Variants in RERG observed in about 807,000 individuals in gnomAD.
The protein encoded by RERG is RAS like estrogen regulated growth inhibitor.
A neutral mutation model predicts 23.2 loss-of-function variants in RERG; 25 were observed. That is an observed-to-expected ratio of 1.08 (90% confidence interval 0.79 to 1.50). RERG has a LOEUF of 1.50. Among genes scored for constraint, RERG ranks in the 40% most tolerant of loss-of-function variants. The pLI, the probability that RERG is intolerant of heterozygous loss-of-function variation, is 0.00. For synonymous variants in RERG, 81 were observed against 89.1 expected (o/e 0.91, Z 0.51); for missense variants, 253 against 250.1 (o/e 1.01, Z -0.08).
chr12:15,122,185 C>G (rs80152564), intron 2 of RERG, among the ~76,000 whole-genome samples: 1 of 152,120 alleles, frequency 6.6e-6, no homozygotes, highest in African/African-American at 2.4e-5. Context: ...CCAGGGATCC[C>G]ACTGACCTTA....
chr12:15,139,014 CTTTTTTTTTTTTT>C (rs34755371), intron 2 of RERG, among the ~76,000 whole-genome samples: 3 of 51,126 alleles, frequency 5.9e-5, no homozygotes, highest in South Asian at 1.4e-3. Flanking sequence ...TGTGTCTAGA[CTTTTTTTTTTTTT>C]TTTTTTTTTG....
intron 2 of RERG, among the ~76,000 whole-genome samples, chr12:15,161,154 G>GA (rs1373352209): frequency 1.1e-5 from 1 of 92,042 alleles, no homozygotes; most frequent in African/African-American, 4.4e-5. Context: ...AAGAAAGAAA[G>GA]AAAGAAAGAA....
chr12:15,132,090 A>C (rs1401570139), intron 2 of RERG, among the ~76,000 whole-genome samples: 1 of 152,172 alleles, frequency 6.6e-6, no homozygotes, highest in African/African-American at 2.4e-5. Context: ...TATAAACCAA[A>C]ATATGACATG....
chr12:15,109,442 CT>C lies in RERG; in HGVS notation c.267del (p.Gly90GlufsTer13), dbSNP rs1565503318. The C allele has an allele frequency of 1.9e-6, 3 of 1,613,962 alleles. No individual in the cohort carries two copies. Among genetic ancestry groups the C allele is most frequent in the Non-Finnish European group, 2.5e-6 (3 of 1,179,964 alleles). On this transcript the variant is annotated frameshift_variant, in exon 5 of 5. Transcript: ENST00000256953. LOFTEE classifies it high-confidence loss of function. ...AGTGGCAGCACTTCCTCAAAACTTC[CT>C]CGGTCAGTAATGTCGTAGACCAGCA... ...GFVLVYDITD[R>X]GSFEEVLPLK...
At chr12:15,159,468 T>C (rs554000457) in intron 2 of RERG, among the ~76,000 whole-genome samples, 2 of 152,364 alleles carry the variant, frequency 1.3e-5, no homozygotes, top group South Asian at 4.1e-4. Flanking sequence ...CTCAGGATTT[T>C]TAGTTTTCAA....
chr12:15,123,618 A>C (rs1268282226), intron 2 of RERG, among the ~76,000 whole-genome samples: 3 of 134,958 alleles, frequency 2.2e-5, no homozygotes, highest in Non-Finnish European at 3.1e-5. Context: ...AAATTTATAT[A>C]ATAAATATTA....
At position 15,109,444 on chromosome 12, in the gene RERG, C is replaced by G; in HGVS notation, c.266G>C (p.Arg89Pro). 2 of 1,613,950 alleles carry G rather than the reference C, an allele frequency of 1.2e-6. No individual in the cohort carries two copies. The highest frequency in any genetic ancestry group is 1.7e-6 in the Non-Finnish European group (2 of 1,179,950). The change falls in exon 5 of 5, where the codon CGA becomes CCA. Residue 89 changes from arginine (R) to proline (P), a missense_variant. Arg to Pro is a moderately radical substitution (Grantham distance 103). Coordinates refer to ENST00000256953, the MANE Select transcript of RERG (RefSeq NM_032918.3). ...TGGCAGCACTTCCTCAAAACTTCCT[C>G]GGTCAGTAATGTCGTAGACCAGCAC... is the stretch of plus-strand genomic sequence containing the variant. ...GFVLVYDITD[R>P]GSFEEVLPLK... is the part of the protein sequence containing the mutation.
At chr12:15,162,448 G>T (rs140099895) in intron 2 of RERG, among the ~76,000 whole-genome samples, 366 of 152,262 alleles carry the variant, frequency 2.4e-3, no homozygotes, top group African/African-American at 8.4e-3. Flanking sequence ...AACCCCATTA[G>T]AGTTTTCTCT....
chr12:15,213,713 A>T (rs1222624369), intron 2 of RERG, among the ~76,000 whole-genome samples: 1 of 152,212 alleles, frequency 6.6e-6, no homozygotes, highest in Non-Finnish European at 1.5e-5. Context: ...GCCTTTGCTG[A>T]CATGTCTGTG....
At chr12:15,208,917 T>A (rs1486809475) in intron 2 of RERG, among the ~76,000 whole-genome samples, 1 of 151,740 alleles carries the variant, frequency 6.6e-6, no homozygotes, top group Non-Finnish European at 1.5e-5. Context: ...CCTCCTCTCC[T>A]TTTTGACTGC....
chr12:15,152,907 C>T (rs574164335), intron 2 of RERG, among the ~76,000 whole-genome samples: 95 of 152,126 alleles, frequency 6.2e-4, no homozygotes, highest in Admixed American at 2.0e-3. Context: ...AAATTCTCTA[C>T]TGTTTCTGAT....
At chr12:15,169,861 A>G (rs992135274) in intron 2 of RERG, among the ~76,000 whole-genome samples, 4 of 152,048 alleles carry the variant, frequency 2.6e-5, no homozygotes, top group Admixed American at 6.6e-5. Context: ...GGACACATTA[A>G]CAGAAGCCAA....
intron 2 of RERG, chr12:15,152,178 CA>C (rs1864454273): frequency 6.6e-6 from 1 of 152,116 alleles, no homozygotes; most frequent in African/African-American, 2.4e-5. Flanking sequence ...GAAGGTTGTA[CA>C]AATAGAATAG....
intron 2 of RERG, among the ~76,000 whole-genome samples, chr12:15,121,939 A>G (rs1591635664): frequency 6.6e-6 from 1 of 152,152 alleles, no homozygotes; most frequent in East Asian, 1.9e-4. Context: ...GCATGGAAAT[A>G]TGTGGACTCT....
intron 2 of RERG, among the ~76,000 whole-genome samples, chr12:15,151,143 T>C (rs769785058): frequency 3.9e-5 from 6 of 152,220 alleles, no homozygotes; most frequent in Admixed American, 6.5e-5. Context: ...TTGTTGTGAC[T>C]ATGGGTGATT....
chr12:15,167,682 G>C (rs1864715639), intron 2 of RERG, among the ~76,000 whole-genome samples: 1 of 151,940 alleles, frequency 6.6e-6, no homozygotes, highest in Non-Finnish European at 1.5e-5. Flanking sequence ...AGTAGTAGTG[G>C]GTGTTAACTT....
intron 3 of RERG, among the ~76,000 whole-genome samples, chr12:15,116,760 C>T (rs893025546): frequency 6.6e-6 from 1 of 152,010 alleles, no homozygotes; most frequent in Non-Finnish European, 1.5e-5. Flanking sequence ...AAAAAATGTA[C>T]TAAGTAGTTT....
intron 2 of RERG, among the ~76,000 whole-genome samples, chr12:15,161,138 A>AAAAGAAAGAAAGAAAGAAATAAAGAAAG (rs1864598925): frequency 2.4e-5 from 1 of 41,580 alleles, no homozygotes; most frequent in African/African-American, 1.0e-4. Context: ...CCATCTCAGA[A>AAAAGAAAGAAAGAAAGAAATAAAGAAAG]AAAGAAAGAA....
intron 3 of RERG, among the ~76,000 whole-genome samples, chr12:15,116,723 G>A (rs543365833): frequency 2.6e-5 from 4 of 152,074 alleles, no homozygotes; most frequent in Non-Finnish European, 5.9e-5. Context: ...GTGCATCTAC[G>A]TGCTAACTTT....
Sources: allele counts gnomAD v4.1 joint callset (sites outside exome capture counted in the v4.1 genomes callset), GRCh38; gene constraint gnomAD v4.1.1; transcripts MANE v1.5; gene names NCBI Gene and HGNC (gene_info 2026-07-23, HGNC 2026-07-21).